PRKG1: variants seen among roughly 807,000 people sequenced by gnomAD.
PRKG1 encodes the protein protein kinase cGMP-dependent 1, also known as cGMP-dependent protein kinase 1.
PRKG1 carries 35 observed loss-of-function variants against 88.1 expected under a neutral mutation model. That is an observed-to-expected ratio of 0.40 (90% CI 0.30 to 0.53). The LOEUF (loss-of-function observed/expected upper bound fraction) is 0.53, where lower values mean the gene tolerates loss of function less well. PRKG1 is among the 20% of genes least tolerant of loss of function. The probability of loss-of-function intolerance (pLI) is 0.59; values close to 1 mark genes in which losing one functional copy is unlikely to be tolerated. For missense variants in PRKG1, 540 were observed against 839.8 expected (o/e 0.64, Z 4.41); for synonymous variants, 303 against 292.5 (o/e 1.04, Z -0.37).
chr10:52,287,301 G>T (rs1313481769), intron 14 of PRKG1, among the ~76,000 whole-genome samples: 1 of 151,944 alleles, frequency 6.6e-6, no homozygotes, highest in Non-Finnish European at 1.5e-5. Flanking sequence ...CATTTTTCAA[G>T]TGATTTAAAA....
At chr10:52,169,596 A>G (rs554264976) in intron 9 of PRKG1, among the ~76,000 whole-genome samples, 1 of 152,338 alleles carries the variant, frequency 6.6e-6, no homozygotes, top group South Asian at 2.1e-4. Context: ...TGGGGGAAGA[A>G]ACAATGATAT....
At chr10:51,501,074 T>C (rs1193115550) in intron 3 of PRKG1, among the ~76,000 whole-genome samples, 2 of 152,194 alleles carry the variant, frequency 1.3e-5, no homozygotes, top group Non-Finnish European at 2.9e-5. Flanking sequence ...CCCTGGTTCC[T>C]GTCTTTATGT....
chr10:51,518,302 T>C (rs574683322), intron 3 of PRKG1, among the ~76,000 whole-genome samples: 17 of 152,160 alleles, frequency 1.1e-4, no homozygotes, highest in Non-Finnish European at 2.2e-4. Context: ...CCCGCATGGA[T>C]TCTAATTTCT....
chr10:51,339,418 GA>G (rs1459116120), intron 2 of PRKG1, among the ~76,000 whole-genome samples: 1 of 151,928 alleles, frequency 6.6e-6, no homozygotes, highest in Non-Finnish European at 1.5e-5. Context: ...ATTTATTTCA[GA>G]AATCATGCAA....
chr10:51,853,440 AG>A (rs1200401059), intron 4 of PRKG1, among the ~76,000 whole-genome samples: 2 of 152,178 alleles, frequency 1.3e-5, no homozygotes, highest in African/African-American at 4.8e-5. Flanking sequence ...CTGCAGAATA[AG>A]GGAATGTCAA....
At chr10:51,369,790 A>G (rs182975616) in intron 2 of PRKG1, among the ~76,000 whole-genome samples, 1 of 152,020 alleles carries the variant, frequency 6.6e-6, no homozygotes, top group Non-Finnish European at 1.5e-5. Flanking sequence ...CTTTAGGACC[A>G]TGTGTCCCCT....
chr10:51,029,595 T>C (rs6479874), intron 1 of PRKG1, among the ~76,000 whole-genome samples: 133,756 of 152,158 alleles, frequency 0.88, 58,890 homozygotes, highest in East Asian at 0.93. Flanking sequence ...GGGGAACAAG[T>C]CCTAATAAAA....
intron 4 of PRKG1, among the ~76,000 whole-genome samples, chr10:51,891,097 CA>C (rs10716903): frequency 0.75 from 113,621 of 151,154 alleles, 43,119 homozygotes; most frequent in African/African-American, 0.87. Flanking sequence ...CCCATCTCTA[CA>C]AAAAAAAAAT....
Position 51,833,594 on chromosome 10 carries a change from T to G in PRKG1, c.698+28904T>G. Among the ~76,000 whole-genome samples the G allele has an allele frequency of 1.3e-5, 2 of 152,226 alleles. 1 individual carries two copies. Among genetic ancestry groups the G allele is most frequent in the East Asian group, 3.8e-4 (2 of 5,200 alleles). ...GACAAATAATAATTGTATATGTTTATGTGGCACAATGTGATATTTTGATAC... is the reference window on the plus strand; with the variant it reads ...GACAAATAATAATTGTATATGTTTAGGTGGCACAATGTGATATTTTGATAC... On this transcript the variant is annotated intron_variant, in intron 4 of 17. Transcript: ENST00000373980.
At chr10:51,639,224 G>T (rs987986328) in intron 3 of PRKG1, among the ~76,000 whole-genome samples, 14 of 151,836 alleles carry the variant, frequency 9.2e-5, no homozygotes, top group African/African-American at 2.9e-4. Context: ...AACGAGGTGA[G>T]GAGATCGAGA....
intron 3 of PRKG1, among the ~76,000 whole-genome samples, chr10:51,498,398 A>G (rs1840923559): frequency 6.6e-6 from 1 of 152,196 alleles, no homozygotes; most frequent in Non-Finnish European, 1.5e-5. Context: ...CTCAAGAAAA[A>G]TAGAATTGTT....
chr10:51,974,192 C>T (rs1249316175), intron 5 of PRKG1, among the ~76,000 whole-genome samples: 2 of 152,090 alleles, frequency 1.3e-5, no homozygotes, highest in Non-Finnish European at 2.9e-5. Context: ...GAAGGATCCA[C>T]TTTTCTTGAG....
chr10:51,801,202 A>G (rs557927697), intron 3 of PRKG1, among the ~76,000 whole-genome samples: 1 of 152,192 alleles, frequency 6.6e-6, no homozygotes, highest in Non-Finnish European at 1.5e-5. Context: ...TGCAGTACAT[A>G]TGGTCTCTGT....
rs372457528 is a variant in PRKG1, at chr10:51,187,376, A to G, written c.478+34046A>G. Among the ~76,000 whole-genome samples the G allele has an allele frequency of 5.3e-5, 8 of 152,134 alleles. No individual in the cohort carries two copies. In the South Asian group the frequency reaches 1.7e-3, roughly 32 times the overall value. ...AACTTGGCTATTTCTTGAGAACAGG[A>G]TACCTGCAAGAAAATATAATTTTAC... On this transcript the variant is annotated intron_variant, in intron 2 of 17. Transcript: ENST00000373980.
At chr10:51,825,914 A>T (rs1428868003) in intron 4 of PRKG1, among the ~76,000 whole-genome samples, 1 of 152,268 alleles carries the variant, frequency 6.6e-6, no homozygotes, top group East Asian at 1.9e-4. Flanking sequence ...ATGATTTCTC[A>T]GCAGTTGATG....
chr10:52,004,523 G>T (rs926520825), intron 5 of PRKG1, among the ~76,000 whole-genome samples: 31 of 152,080 alleles, frequency 2.0e-4, no homozygotes, highest in African/African-American at 6.5e-4. Flanking sequence ...CCCATCTACT[G>T]GATAATGTGT....
rs553755202 is a variant in PRKG1, at chr10:51,404,328, T to A, written c.479-63395T>A. ...GTTTCTACATGCATATTCATAAACT[T>A]TGTAGATTGATAATAGATTATGATG... On this transcript the variant is annotated intron_variant, in intron 2 of 17. Transcript: ENST00000373980. Among the ~76,000 whole-genome samples, 7 of 152,378 alleles carry A rather than the reference T, an allele frequency of 4.6e-5. No individual in the cohort carries two copies. The East Asian group carries it at 1.2e-3, about 25-fold the overall frequency.
At chr10:51,370,460 AAGAG>A (rs948689485) in intron 2 of PRKG1, among the ~76,000 whole-genome samples, 15 of 150,114 alleles carry the variant, frequency 1.0e-4, no homozygotes, top group South Asian at 4.2e-4. Flanking sequence ...GGGGTTAAGA[AAGAG>A]AGAGAGAGAA....
At chr10:51,446,700 C>T (rs1317756621) in intron 2 of PRKG1, among the ~76,000 whole-genome samples, 1 of 152,034 alleles carries the variant, frequency 6.6e-6, no homozygotes, top group East Asian at 1.9e-4. Flanking sequence ...CGTTCAGGTT[C>T]TGCTTTTCTA....
Sources: gnomAD v4.1 joint callset for allele counts (sites outside exome capture counted in the v4.1 genomes callset) on GRCh38, gnomAD v4.1.1 for gene constraint, MANE v1.5 for transcripts, NCBI Gene and HGNC (gene_info 2026-07-23, HGNC 2026-07-21) for gene names.